RGL1: variants seen among roughly 807,000 people sequenced by gnomAD.
RGL1 encodes the protein ral guanine nucleotide dissociation stimulator-like 1.
A neutral mutation model predicts 95.2 loss-of-function variants in RGL1; 24 were observed. That is an observed-to-expected ratio of 0.25 (90% CI 0.18 to 0.35). The LOEUF (loss-of-function observed/expected upper bound fraction) is 0.35. Ranked by LOEUF, RGL1 falls within the 10% of genes least tolerant of loss-of-function variation. The pLI is 1.00. For missense variants in RGL1, 715 were observed against 936.3 expected (o/e 0.76, Z 3.08); for synonymous variants, 329 against 344.9 (o/e 0.95, Z 0.51).
intron 2 of RGL1, among the ~76,000 whole-genome samples, chr1:183,823,614 G>GAT (rs1224329665): frequency 3.3e-5 from 5 of 152,120 alleles, no homozygotes; most frequent in African/African-American, 4.8e-5. Context: ...CATCTGATTT[G>GAT]GATACATATC....
intron 2 of RGL1, among the ~76,000 whole-genome samples, chr1:183,771,851 G>A (rs920908575): frequency 2.0e-5 from 3 of 152,216 alleles, no homozygotes; most frequent in Non-Finnish European, 4.4e-5. Context: ...ACCCTAGCAA[G>A]GCAGAGACAG....
At chr1:183,645,079 A>C (rs1650191696) in intron 1 of RGL1, among the ~76,000 whole-genome samples, 1 of 152,210 alleles carries the variant, frequency 6.6e-6, no homozygotes, top group African/African-American at 2.4e-5. Flanking sequence ...ATCTGATAGC[A>C]CTAAACATTT....
chr1:183,843,449 A>G (rs539997813), intron 2 of RGL1, among the ~76,000 whole-genome samples: 2 of 152,320 alleles, frequency 1.3e-5, no homozygotes, highest in South Asian at 4.1e-4. Flanking sequence ...TGAGAAACAT[A>G]ATTCCATTCC....
chr1:183,733,981 T>C lies in RGL1; in HGVS notation c.-32-8145T>C, dbSNP rs866219712. ...GTTTTCTTGAAAGAGTTTTTCCCCA[T>C]TGGGACCTTCCATTTTCCTCTGGCT... is the stretch of plus-strand genomic sequence containing the variant. On this transcript the variant is annotated intron_variant, in intron 1 of 18. Transcript: ENST00000304685. 3.9e-5 allele frequency among the ~76,000 whole-genome samples: 6 copies of C among 152,348 alleles called. No individual in the cohort carries two copies. The Middle Eastern group carries it at 0.014, about 345-fold the overall frequency.
intron 1 of RGL1, among the ~76,000 whole-genome samples, chr1:183,720,470 T>C (rs1655958456): frequency 6.6e-6 from 1 of 152,244 alleles, no homozygotes; most frequent in African/African-American, 2.4e-5. Flanking sequence ...ATGCAACCTA[T>C]AAGAACTGAC....
chr1:183,689,984 G>T (rs563503435), intron 1 of RGL1, among the ~76,000 whole-genome samples: 2 of 152,218 alleles, frequency 1.3e-5, no homozygotes, highest in African/African-American at 4.8e-5. Flanking sequence ...AGGCTAAGTT[G>T]TAAGACTTGA....
Position 183,740,883 on chromosome 1 carries a change from C to G in RGL1, c.-32-1243C>G, listed in dbSNP as rs528941293. ...ACTTACTCTGTGTGTGATACTATCT[C>G]TAGTCTCAAGATGCTTATAAGACTA... On this transcript the variant is annotated intron_variant, in intron 1 of 18. Coordinates refer to the RGL1 transcript ENST00000304685. Among the ~76,000 whole-genome samples the G allele has an allele frequency of 2.2e-4, 34 of 152,214 alleles. No individual in the cohort carries two copies. In the South Asian group the frequency reaches 4.4e-3, roughly 20 times the overall value.
At chr1:183,916,746 GTGTGTC>G in intron 16 of RGL1, 45 bp downstream of exon 16, 2 of 1,590,048 alleles carry the variant, frequency 1.3e-6, no homozygotes, top group Middle Eastern at 1.7e-4. Context: ...CATTTAGATT[GTGTGTC>G]TGTGTCTGTC....
chr1:183,678,573 G>A (rs530587414), intron 1 of RGL1, among the ~76,000 whole-genome samples: 2 of 151,838 alleles, frequency 1.3e-5, no homozygotes, highest in South Asian at 4.2e-4. Context: ...GGTGAGTTGA[G>A]CTACTTTGTC....
At chr1:183,723,814 A>T (rs1362928834) in intron 1 of RGL1, among the ~76,000 whole-genome samples, 1 of 152,200 alleles carries the variant, frequency 6.6e-6, no homozygotes, top group Non-Finnish European at 1.5e-5. Context: ...ACCTAGAGAG[A>T]CACCAGCTGG....
chr1:183,887,984 TGTG>T (rs977856647), intron 7 of RGL1, among the ~76,000 whole-genome samples: 19 of 152,288 alleles, frequency 1.2e-4, no homozygotes, highest in Admixed American at 9.2e-4. Context: ...AAGTTCAACT[TGTG>T]GTGAATTTTT....
rs141296559 is a variant in RGL1 at position 183,907,039 on chromosome 1, A to G, written c.1500A>G (p.Ala500=). Residue 500 remains alanine, a synonymous_variant, in exon 14 of 18, where the codon GCA becomes GCG. Transcript: ENST00000360851. ...ATGCCCTGTCATGTGAGATTGAAGC[A>G]GCTGCTGACGCCAGCACCACCTCGC... The part of the protein sequence containing the change: ...ESYALSCEIE[A]AADASTTSPK... 1.2e-6 allele frequency: 2 copies of G among 1,611,666 alleles called. No homozygotes were observed. Among genetic ancestry groups the G allele is most frequent in the African/African-American group, 2.7e-5 (2 of 74,884 alleles).
intron 2 of RGL1, 144 bp downstream of exon 2, chr1:183,806,629 A>C (rs1433337182): frequency 1.6e-6 from 1 of 613,202 alleles, no homozygotes; most frequent in Non-Finnish European, 2.9e-6. Flanking sequence ...AAGTGTTTGC[A>C]CTAGCTGAAC....
chr1:183,782,654 T>A lies in RGL1; in HGVS notation c.133-23721T>A, dbSNP rs1659964226. ...AATGCAGAAGACAGAATAGATATTG[T>A]GGTGGGTGGATTATAATTATTTTAT... On this transcript the variant is annotated intron_variant, in intron 2 of 18. Coordinates refer to the RGL1 transcript ENST00000304685. Among the ~76,000 whole-genome samples the A allele has an allele frequency of 2.6e-5, 4 of 152,314 alleles. No individual in the cohort carries two copies. In the South Asian group the frequency reaches 8.3e-4, roughly 32 times the overall value.
At chr1:183,822,616 A>G (rs976840036) in intron 2 of RGL1, among the ~76,000 whole-genome samples, 8 of 152,180 alleles carry the variant, frequency 5.3e-5, no homozygotes, top group Non-Finnish European at 7.3e-5. Context: ...GAAAAGTACT[A>G]TGACTCCAGT....
At chr1:183,888,368 T>C in intron 7 of RGL1, 106 bp from the exon 8 acceptor site, 1 of 693,936 alleles carries the variant, frequency 1.4e-6, no homozygotes. Context: ...GCCTATTTTG[T>C]GGTAAGAATT....
chr1:183,904,913 C>T lies in RGL1; in HGVS notation c.1414C>T (p.Pro472Ser), dbSNP rs1487037818. ...TGCCTGCAACAGCTATTGCATGACC[C>T]CAGACCAAAAGTTCATCCAGTGGTT... ...QSACNSYCMT[P>S]DQKFIQWFQR... Residue 472 changes from proline to serine, a missense_variant, in exon 13 of 18, where the codon CCA becomes TCA. Coordinates refer to ENST00000360851, the MANE Select transcript of RGL1 (RefSeq NM_001297671.3). The T allele has an allele frequency of 1.9e-6, 3 of 1,613,844 alleles. No homozygotes were observed. The highest frequency in any genetic ancestry group is 2.5e-6 in the Non-Finnish European group (3 of 1,179,908).
intron 3 of RGL1, among the ~76,000 whole-genome samples, chr1:183,859,690 T>C (rs1366164742): frequency 6.6e-6 from 1 of 152,218 alleles, no homozygotes; most frequent in Non-Finnish European, 1.5e-5. Context: ...CCTAGAGAAC[T>C]AACCCTCATA....
chr1:183,689,630 C>A (rs912901528), intron 1 of RGL1, among the ~76,000 whole-genome samples: 5 of 152,138 alleles, frequency 3.3e-5, no homozygotes, highest in Admixed American at 6.5e-5. Context: ...TACCTTAGTG[C>A]TTGACATATA....
Sources: allele counts gnomAD v4.1 joint callset (sites outside exome capture counted in the v4.1 genomes callset), GRCh38; gene constraint gnomAD v4.1.1; transcripts MANE v1.5; gene names NCBI Gene and HGNC (gene_info 2026-07-23, HGNC 2026-07-21).